Variants in SPP2 observed in about 807,000 individuals in gnomAD.
SPP2 encodes the protein secreted phosphoprotein 24.
SPP2 carries 34 observed loss-of-function variants against 28.8 expected under a neutral mutation model. The ratio of observed to expected loss-of-function variants is 1.18; its 90% CI spans 0.90 to 1.57. SPP2 has a LOEUF of 1.57. Among genes scored for constraint, SPP2 ranks in the 40% most tolerant of loss-of-function variants. The pLI is 0.00. For synonymous variants in SPP2, 96 were observed against 89.4 expected (o/e 1.07, Z -0.42); for missense variants, 269 against 263.9 (o/e 1.02, Z -0.13).
In SPP2 at chr2:234,069,319, G is replaced by A. The variant is rs545063647; in HGVS notation, c.551-609G>A. 5.3e-5 allele frequency among the ~76,000 whole-genome samples: 8 copies of A among 152,172 alleles called. No individual in the cohort carries two copies. In the South Asian group the frequency reaches 1.7e-3, roughly 32 times the overall value. ...GCATAATCTATTATTAAATACACAG[G>A]CCAATCCTGCCCCAATGTGGGAAGG... On this transcript the variant is annotated intron_variant, in intron 6 of 7. Transcript: ENST00000168148.
intron 4 of SPP2, among the ~76,000 whole-genome samples, chr2:234,061,564 T>C (rs1693720436): frequency 6.6e-6 from 1 of 152,232 alleles, no homozygotes; most frequent in South Asian, 2.1e-4. Context: ...TTTCAAGATT[T>C]AACTCTGTAG....
intron 7 of SPP2, among the ~76,000 whole-genome samples, chr2:234,073,771 C>A (rs989986417): frequency 3.3e-5 from 5 of 152,184 alleles, no homozygotes; most frequent in Non-Finnish European, 5.9e-5. Flanking sequence ...CTTTATGTCA[C>A]AATCTTGATT....
chr2:234,070,159 C>T (rs182337979), intron 7 of SPP2, 136 bp downstream of exon 7: 10 of 611,690 alleles, frequency 1.6e-5, no homozygotes, highest in Non-Finnish European at 2.6e-5. Context: ...GACCTCCTTC[C>T]CAAGACTTCT....
intron 7 of SPP2, among the ~76,000 whole-genome samples, chr2:234,074,358 G>C (rs1690855962): frequency 1.3e-5 from 2 of 152,172 alleles, no homozygotes; most frequent in Admixed American, 6.5e-5. Context: ...GGAAGGACCG[G>C]TCCCTAAAAC....
At chr2:234,068,135 G>A (rs1693864369) in intron 6 of SPP2, among the ~76,000 whole-genome samples, 1 of 152,124 alleles carries the variant, frequency 6.6e-6, no homozygotes, top group African/African-American at 2.4e-5. Context: ...TGATAGCCCT[G>A]TCAACCACGT....
intron 6 of SPP2, 144 bp downstream of exon 6, chr2:234,067,418 A>G: frequency 1.3e-6 from 1 of 797,416 alleles, no homozygotes; most frequent in South Asian, 1.8e-5. Flanking sequence ...AAGGAAAAGA[A>G]TAGTAATGTA....
intron 2 of SPP2, among the ~76,000 whole-genome samples, chr2:234,051,430 T>G (rs990179849): frequency 1.3e-5 from 2 of 152,202 alleles, no homozygotes; most frequent in African/African-American, 4.8e-5. Context: ...GAAATGAGCC[T>G]CCTTTCAAAT....
chr2:234,061,861 C>T (rs9636246), intron 4 of SPP2, among the ~76,000 whole-genome samples: 64,629 of 152,044 alleles, frequency 0.43, 14,881 homozygotes, highest in African/African-American at 0.6. Context: ...GAAGGTCAAC[C>T]CCCAGGTGAC....
chr2:234,062,052 T>G (rs2125459265), intron 4 of SPP2, among the ~76,000 whole-genome samples: 1 of 152,324 alleles, frequency 6.6e-6, no homozygotes, highest in Admixed American at 6.5e-5. Context: ...AGCTTATCAC[T>G]TCACAAGTCT....
chr2:234,069,671 G>A (rs1693894614), intron 6 of SPP2, among the ~76,000 whole-genome samples: 1 of 152,134 alleles, frequency 6.6e-6, no homozygotes. Context: ...GGGCATCCAT[G>A]GTGGCTGAGA....
chr2:234,067,859 AT>A (rs529978987), intron 6 of SPP2, among the ~76,000 whole-genome samples: 14 of 144,210 alleles, frequency 9.7e-5, no homozygotes, highest in South Asian at 2.2e-4. Flanking sequence ...AGCATTCACC[AT>A]TTTTTTTTTC....
In SPP2 at chr2:234,077,029, A is replaced by C. The variant is rs997631332; in HGVS notation, c.*195A>C. The C allele has an allele frequency of 2.6e-5, 4 of 152,138 alleles. No individual in the cohort carries two copies. Among genetic ancestry groups the C allele is most frequent in the African/African-American group, 7.2e-5 (3 of 41,444 alleles). The allele number at this position is 152,138 out of a possible 1,614,324, so 9.4% of individuals were successfully genotyped here. ...ACACTCCTTTTCTCTTAACAGCAAAATGCAATGGAAGGAAGAAAAGTTCCA... is the reference window on the plus strand; with the variant it reads ...ACACTCCTTTTCTCTTAACAGCAAACTGCAATGGAAGGAAGAAAAGTTCCA... On this transcript the variant is annotated 3_prime_UTR_variant, in exon 8 of 8. Transcript: ENST00000168148.
At chr2:234,075,137 CA>C (rs1690871430) in intron 7 of SPP2, among the ~76,000 whole-genome samples, 1 of 152,020 alleles carries the variant, frequency 6.6e-6, no homozygotes. Context: ...AGGTTGACTC[CA>C]AGTTTTTGCT....
At chr2:234,070,674 C>G (rs935151991) in intron 7 of SPP2, among the ~76,000 whole-genome samples, 1 of 152,074 alleles carries the variant, frequency 6.6e-6, no homozygotes, top group East Asian at 1.9e-4. Flanking sequence ...GTTAGCCAGG[C>G]TGGTTTCAAA....
At chr2:234,071,571 G>T (rs1026791896) in intron 7 of SPP2, among the ~76,000 whole-genome samples, 5 of 152,204 alleles carry the variant, frequency 3.3e-5, no homozygotes, top group African/African-American at 1.2e-4. Context: ...CCATGCATAG[G>T]TATTTTACAT....
chr2:234,060,696 C>G (rs759494679), intron 4 of SPP2, among the ~76,000 whole-genome samples: 14 of 151,818 alleles, frequency 9.2e-5, no homozygotes, highest in Middle Eastern at 3.4e-3. Flanking sequence ...TATGTCCTCT[C>G]TCTTTCTCTC....
chr2:234,050,963 G>C lies in SPP2; in HGVS notation c.86-8G>C. 1 of 1,613,970 alleles carries C rather than the reference G, an allele frequency of 6.2e-7. No homozygotes were observed. Among genetic ancestry groups the C allele is most frequent in the Non-Finnish European group, 8.5e-7 (1 of 1,179,918 alleles). On this transcript the variant is annotated splice_region_variant and splice_polypyrimidine_tract_variant and intron_variant, in intron 1 of 7. Transcript: ENST00000168148. ...GTCTCACTGTGCCCCATGTGCTTGC[G>C]TGTCCAGGTTTCCCAGTGTACGACT...
chr2:234,072,369 C>T (rs1385344045), intron 7 of SPP2, among the ~76,000 whole-genome samples: 1 of 151,874 alleles, frequency 6.6e-6, no homozygotes, highest in Non-Finnish European at 1.5e-5. Context: ...CATCATATTC[C>T]TTTTTTATAA....
intron 2 of SPP2, among the ~76,000 whole-genome samples, chr2:234,057,130 G>A (rs565559255): frequency 6.6e-6 from 1 of 152,220 alleles, no homozygotes; most frequent in South Asian, 2.1e-4. Context: ...GCTCCCCACT[G>A]GCTTCCTGCT....
Sources: gnomAD v4.1 joint callset for allele counts (sites outside exome capture counted in the v4.1 genomes callset) on GRCh38, gnomAD v4.1.1 for gene constraint, MANE v1.5 for transcripts, NCBI Gene and HGNC (gene_info 2026-07-23, HGNC 2026-07-21) for gene names.